Variants in CDH4 observed in about 807,000 individuals in gnomAD.
CDH4 encodes cadherin-4.
Under a neutral mutation model 86.0 loss-of-function variants are expected in CDH4, and 33 were observed. The ratio of observed to expected loss-of-function variants is 0.38; its 90% CI spans 0.29 to 0.51. The LOEUF is 0.51. CDH4 is among the 20% of genes least tolerant of loss of function. The pLI is 0.86. For missense variants in CDH4, 1,114 were observed against 1,307.4 expected (o/e 0.85, Z 2.28); for synonymous variants, 555 against 549.4 (o/e 1.01, Z -0.14).
intron 2 of CDH4, among the ~76,000 whole-genome samples, chr20:61,563,984 A>G (rs1004412413): frequency 6.6e-6 from 1 of 152,006 alleles, no homozygotes; most frequent in African/African-American, 2.4e-5. Context: ...AAATGAGACT[A>G]ATTCTGCCCT....
rs993274025 is a variant in CDH4, at chr20:61,417,070, A to G, written c.169+162133A>G. 2.0e-5 allele frequency among the ~76,000 whole-genome samples: 3 copies of G among 152,176 alleles called. No individual in the cohort carries two copies. Among genetic ancestry groups the G allele is most frequent in the Non-Finnish European group, 2.9e-5 (2 of 68,032 alleles). On this transcript the variant is annotated intron_variant, in intron 2 of 15. Coordinates refer to ENST00000614565, the MANE Select transcript of CDH4 (RefSeq NM_001794.5). The surrounding 1 kb of genome is among the most constrained non-coding windows in gnomAD (Gnocchi z 4.0). ...CACAGCAAGACTGGCGCAGCCTGGC[A>G]TTACTGCTCAATAGAATAATATGTG...
At chr20:61,302,007 G>A (rs1412148335) in intron 2 of CDH4, among the ~76,000 whole-genome samples, 1 of 152,218 alleles carries the variant, frequency 6.6e-6, no homozygotes, top group Non-Finnish European at 1.5e-5. Context: ...ACGTCTCCAG[G>A]TAGACTTATG....
In CDH4 at chr20:61,647,528, TCTCTCCCTCTCCCTCTCC is replaced by T. The variant is rs111670033; in HGVS notation, c.170-96007_170-95990del. ...CACATCAGTATGCACACACATATTCTCTCTCCCTCTCCCTCTCCCTCTCCCTCTCCCTCTCCCTCTCCC... is the reference window on the plus strand; with the variant it reads ...CACATCAGTATGCACACACATATTCTCTCTCCCTCTCCCTCTCCCTCTCCC... On this transcript the variant is annotated intron_variant, in intron 2 of 15. Transcript: ENST00000614565. Among the ~76,000 whole-genome samples, 643 of 90,534 alleles carry T rather than the reference TCTCTCCCTCTCCCTCTCC, an allele frequency of 7.1e-3. 21 individuals carry two copies. Among genetic ancestry groups the T allele is most frequent in the Middle Eastern group, 0.03 (5 of 168 alleles). The allele number at this position is 90,534 out of a possible 152,430, so 59.4% of individuals were successfully genotyped here.
rs1446489945 is a variant in CDH4 at position 61,623,686 on chromosome 20, C to T, written c.170-119877C>T. 1.3e-5 allele frequency among the ~76,000 whole-genome samples: 2 copies of T among 152,142 alleles called. No individual in the cohort carries two copies. The highest frequency in any genetic ancestry group is 2.4e-5 in the African/African-American group (1 of 41,420). On this transcript the variant is annotated intron_variant, in intron 2 of 15. Coordinates refer to ENST00000614565, the MANE Select transcript of CDH4 (RefSeq NM_001794.5). The surrounding 1 kb of genome is among the most constrained non-coding windows in gnomAD (Gnocchi z 4.4). ...TCACCACGCAGCCCTGGGGACCAGC[C>T]ATCCCCAGGAGAAGGCTGGTTTTAG...
At chr20:61,876,139 A>G (rs1984014651) in intron 7 of CDH4, among the ~76,000 whole-genome samples, 1 of 152,248 alleles carries the variant, frequency 6.6e-6, no homozygotes, top group Non-Finnish European at 1.5e-5. Context: ...AGGAGAGGAC[A>G]GGACAGCCGA....
intron 7 of CDH4, among the ~76,000 whole-genome samples, chr20:61,889,338 ATGGG>A (rs558390004): frequency 4.0e-4 from 40 of 99,354 alleles, no homozygotes; most frequent in South Asian, 6.6e-4. Flanking sequence ...GGATGGATGG[ATGGG>A]TGAGTGGATG....
intron 6 of CDH4, among the ~76,000 whole-genome samples, chr20:61,861,266 C>G (rs879409244): frequency 2.0e-5 from 3 of 152,208 alleles, no homozygotes; most frequent in Non-Finnish European, 2.9e-5. Context: ...ATGCGGTCAT[C>G]ACAGAAATGC....
At chr20:61,562,278 G>C (rs191189479) in intron 2 of CDH4, among the ~76,000 whole-genome samples, 18 of 70,166 alleles carry the variant, frequency 2.6e-4, no homozygotes, top group South Asian at 1.7e-3. Context: ...GTGTGGAGAG[G>C]TGGACCCCAG....
At chr20:61,253,380 G>A (rs1227327150) in intron 1 of CDH4, among the ~76,000 whole-genome samples, 1 of 152,012 alleles carries the variant, frequency 6.6e-6, no homozygotes, top group East Asian at 1.9e-4. Context: ...GGCCCGCGGG[G>A]GCAGAGAGCG....
chr20:61,772,996 A>T lies in CDH4; in HGVS notation c.397-7A>T. The T allele has an allele frequency of 6.2e-7, 1 of 1,605,140 alleles. No individual in the cohort carries two copies. The highest frequency in any genetic ancestry group is 1.1e-5 in the South Asian group (1 of 90,376). ...CTCTGCCTCTTCTCTCCCCTTTCCA[A>T]ATAAAGCCGCAGAAAGGAAAGAAGG... On this transcript the variant is annotated splice_polypyrimidine_tract_variant and splice_region_variant and intron_variant, in intron 3 of 15. Coordinates refer to ENST00000614565, the MANE Select transcript of CDH4 (RefSeq NM_001794.5).
At chr20:61,356,002 C>T (rs1219053294) in intron 2 of CDH4, among the ~76,000 whole-genome samples, 1 of 152,224 alleles carries the variant, frequency 6.6e-6, no homozygotes, top group East Asian at 1.9e-4. Flanking sequence ...TTATCATGCA[C>T]TTGGTTAAAG....
At chr20:61,618,998 A>G (rs2086748076) in intron 2 of CDH4, among the ~76,000 whole-genome samples, 1 of 152,062 alleles carries the variant, frequency 6.6e-6, no homozygotes, top group East Asian at 1.9e-4. Flanking sequence ...GGCAGCAGAG[A>G]CCCCAGTTCA....
chr20:61,661,694 T>C (rs116313897), intron 2 of CDH4, among the ~76,000 whole-genome samples: 3,072 of 152,210 alleles, frequency 0.02, 108 homozygotes, highest in African/African-American at 0.07. Context: ...GTCACCTTTG[T>C]GGCAAGTTGT....
chr20:61,337,538 T>C (rs1219282975), intron 2 of CDH4, among the ~76,000 whole-genome samples: 1 of 151,920 alleles, frequency 6.6e-6, no homozygotes, highest in Non-Finnish European at 1.5e-5. Flanking sequence ...AGGGAAAGCA[T>C]GGTCGTGGTG....
chr20:61,643,472 G>A (rs2087031988), intron 2 of CDH4, among the ~76,000 whole-genome samples: 1 of 152,194 alleles, frequency 6.6e-6, no homozygotes, highest in South Asian at 2.1e-4. Flanking sequence ...AGGCCACTAG[G>A]GGGACCATTA....
At chr20:61,493,887 C>T (rs948664004) in intron 2 of CDH4, among the ~76,000 whole-genome samples, 3 of 152,196 alleles carry the variant, frequency 2.0e-5, no homozygotes, top group African/African-American at 4.8e-5. Context: ...TACAAATTGC[C>T]ATGGAGGCAG....
At chr20:61,561,206 G>T (rs567023392) in intron 2 of CDH4, among the ~76,000 whole-genome samples, 32 of 152,264 alleles carry the variant, frequency 2.1e-4, no homozygotes, top group African/African-American at 7.0e-4. Context: ...GGGGAATCCA[G>T]TATCACCTCT....
At chr20:61,794,016 A>T (rs549845847) in intron 4 of CDH4, among the ~76,000 whole-genome samples, 2 of 147,864 alleles carry the variant, frequency 1.4e-5, no homozygotes, top group Non-Finnish European at 1.5e-5. Context: ...GGTGGCGGGC[A>T]CCTGTAGTCC....
At chr20:61,604,692 C>T (rs1451982473) in intron 2 of CDH4, among the ~76,000 whole-genome samples, 1 of 152,132 alleles carries the variant, frequency 6.6e-6, no homozygotes, top group Non-Finnish European at 1.5e-5. Context: ...GCACATGCAT[C>T]CCTCTAACAC....
Sources: allele counts gnomAD v4.1 joint callset (sites outside exome capture counted in the v4.1 genomes callset), GRCh38; gene constraint gnomAD v4.1.1; non-coding constraint Gnocchi (gnomAD v3.1); transcripts MANE v1.5; gene names NCBI Gene and HGNC (gene_info 2026-07-23, HGNC 2026-07-21).